Variants in HDX observed in about 807,000 individuals in gnomAD.
HDX encodes the protein highly divergent homeobox.
HDX carries 19 observed loss-of-function variants against 45.2 expected under a neutral mutation model. The observed-to-expected ratio is 0.42, with a 90% CI of 0.29 to 0.62. The LOEUF is 0.62. Among genes scored for constraint, HDX ranks in the 20% least tolerant of loss-of-function variants. HDX has a pLI of 0.20. For missense variants in HDX, 532 were observed against 493.9 expected (o/e 1.08, Z -0.73); for synonymous variants, 188 against 172.8 (o/e 1.09, Z -0.69).
At chrX:84,390,212 A>G (rs764885998) in intron 5 of HDX, among the ~76,000 whole-genome samples, 8 of 110,970 alleles carry the variant, frequency 7.2e-5, no homozygotes, top group Non-Finnish European at 1.3e-4. Context: ...TGTTAATATT[A>G]CATTCAGTCT....
intron 6 of HDX, among the ~76,000 whole-genome samples, chrX:84,356,970 A>T (rs2037503039): frequency 1.8e-5 from 2 of 110,755 alleles, no homozygotes; most frequent in Admixed American, 9.6e-5. Flanking sequence ...TTTTAAAGAG[A>T]TTCTGTCCGT....
intron 5 of HDX, among the ~76,000 whole-genome samples, chrX:84,395,011 T>A (rs2038527973): frequency 9.0e-6 from 1 of 111,444 alleles, no homozygotes; most frequent in African/African-American, 3.3e-5. Context: ...TATTGCTATA[T>A]CAGAGTTTAT....
At chrX:84,482,384 C>A (rs2040704625) in intron 2 of HDX, among the ~76,000 whole-genome samples, 1 of 111,549 alleles carries the variant, frequency 9.0e-6, no homozygotes, top group Admixed American at 9.5e-5. Context: ...AATTGACTAA[C>A]AGTTCTGCAT....
intron 2 of HDX, among the ~76,000 whole-genome samples, chrX:84,475,649 T>TA (rs1180711513): frequency 2.2e-4 from 25 of 111,532 alleles, no homozygotes; most frequent in African/African-American, 7.8e-4. Flanking sequence ...AGACAGGAAA[T>TA]AAAAAAGAGG....
At chrX:84,369,686 C>T (rs1469872422) in intron 5 of HDX, among the ~76,000 whole-genome samples, 1 of 111,786 alleles carries the variant, frequency 8.9e-6, no homozygotes, top group African/African-American at 3.3e-5. Context: ...TTTGCATTTC[C>T]CTGTTGATTA....
intron 5 of HDX, among the ~76,000 whole-genome samples, chrX:84,390,709 T>G (rs2038420934): frequency 8.9e-6 from 1 of 112,350 alleles, no homozygotes; most frequent in Non-Finnish European, 1.9e-5. Flanking sequence ...TGTGACAGCT[T>G]TTGCAAACTC....
intron 5 of HDX, among the ~76,000 whole-genome samples, chrX:84,370,859 T>C (rs890020376): frequency 2.0e-4 from 23 of 112,265 alleles, no homozygotes; most frequent in Admixed American, 2.8e-4. Context: ...AATTAACTAA[T>C]CCTCTTTGGA....
At chrX:84,430,874 A>C (rs1035258773) in intron 5 of HDX, among the ~76,000 whole-genome samples, 7 of 109,600 alleles carry the variant, frequency 6.4e-5, no homozygotes. Context: ...TAACAAGTTT[A>C]CACTTTTATT....
chrX:84,408,410 G>A (rs899802629), intron 5 of HDX, among the ~76,000 whole-genome samples: 7 of 105,656 alleles, frequency 6.6e-5, no homozygotes, highest in Non-Finnish European at 1.4e-4. Flanking sequence ...TTGTTTATAT[G>A]TCTATTTTTG....
At chrX:84,367,945 C>T in intron 5 of HDX, among the ~76,000 whole-genome samples, 1 of 111,532 alleles carries the variant, frequency 9.0e-6, no homozygotes. Context: ...CATGTGTATA[C>T]CTATGTAACA....
At chrX:84,424,482 C>T (rs995782581) in intron 5 of HDX, among the ~76,000 whole-genome samples, 1 of 110,822 alleles carries the variant, frequency 9.0e-6, no homozygotes, top group Non-Finnish European at 1.9e-5. Flanking sequence ...CAAGGAACCA[C>T]AAAAGACCCA....
chrX:84,450,106 A>T (rs1292315202), intron 4 of HDX, among the ~76,000 whole-genome samples: 1 of 40,495 alleles, frequency 2.5e-5, no homozygotes, highest in Non-Finnish European at 7.1e-5. Flanking sequence ...AAAGTATAAT[A>T]AAAAAAAAGG....
intron 9 of HDX, among the ~76,000 whole-genome samples, chrX:84,329,580 C>A (rs1263626084): frequency 8.9e-6 from 1 of 112,067 alleles, no homozygotes; most frequent in Non-Finnish European, 1.9e-5. Flanking sequence ...ACTTCATTAG[C>A]AGGTGAATAA....
intron 5 of HDX, among the ~76,000 whole-genome samples, chrX:84,374,560 A>AGAT (rs201566143): frequency 4.4e-4 from 41 of 92,387 alleles, no homozygotes; most frequent in Admixed American, 4.9e-4. Context: ...ACCAAAACAG[A>AGAT]ACAGAACAGA....
chrX:84,418,832 T>A (rs2039178556), intron 5 of HDX, among the ~76,000 whole-genome samples: 1 of 110,671 alleles, frequency 9.0e-6, no homozygotes, highest in African/African-American at 3.3e-5. Flanking sequence ...GCATCACTCC[T>A]TTCCAGACCC....
intron 5 of HDX, among the ~76,000 whole-genome samples, chrX:84,398,029 T>A (rs2038605957): frequency 9.1e-6 from 1 of 110,045 alleles, no homozygotes; most frequent in South Asian, 4.0e-4. Context: ...AGGTAGCTGG[T>A]GTGACCCACA....
rs139950136 is a variant in HDX at position 84,326,250 on chromosome X, T to C, written c.1875A>G (p.Lys625=). 6.1e-5 allele frequency: 73 copies of C among 1,192,716 alleles called. No homozygotes were observed. The African/African-American group carries it at 1.1e-3, about 17-fold the overall frequency. ...IENELEIQKQ[K]YFKLQTFVRS... is the part of the protein sequence containing the mutation. ...TAACAAAAGTCTGAAGTTTAAAGTATTTTTGCTTTTGAATCTCGAGCTCAT... is the reference window on the plus strand; with the variant it reads ...TAACAAAAGTCTGAAGTTTAAAGTACTTTTGCTTTTGAATCTCGAGCTCAT... The change falls in exon 10 of 11, where the codon AAA becomes AAG. Residue 625 remains lysine, a synonymous_variant. Transcript: ENST00000373177.
intron 5 of HDX, among the ~76,000 whole-genome samples, chrX:84,382,604 A>T (rs1223575897): frequency 8.9e-6 from 1 of 111,760 alleles, no homozygotes; most frequent in Non-Finnish European, 1.9e-5. Context: ...AGAAAGACAA[A>T]TATCACATGT....
At position 84,417,277 on chromosome X, in the gene HDX, C is replaced by T. The variant is rs757823598; in HGVS notation, c.1305+23255G>A. 5.4e-5 allele frequency among the ~76,000 whole-genome samples: 6 copies of T among 110,661 alleles called. No individual in the cohort carries two copies. In the South Asian group the frequency reaches 1.2e-3, roughly 21 times the overall value. ...GAGAAAGTCCCAGTCCTTGTTTCCT[C>T]ACATAAGCACAGATTTAAAAATGTA... On this transcript the variant is annotated intron_variant, in intron 5 of 10. Transcript: ENST00000373177.
Sources: allele counts gnomAD v4.1 joint callset (sites outside exome capture counted in the v4.1 genomes callset), GRCh38; gene constraint gnomAD v4.1.1; transcripts MANE v1.5; gene names NCBI Gene and HGNC (gene_info 2026-07-23, HGNC 2026-07-21).